CIC: variants seen among roughly 807,000 people sequenced by gnomAD.
CIC encodes the protein protein capicua homolog.
Under a neutral mutation model 115.7 loss-of-function variants are expected in CIC, and 18 were observed. The observed-to-expected ratio is 0.16, with a 90% CI of 0.11 to 0.23. The LOEUF (loss-of-function observed/expected upper bound fraction) is 0.23. Ranked by LOEUF, CIC falls within the 10% of genes least tolerant of loss-of-function variation. The pLI, the probability that CIC is intolerant of heterozygous loss-of-function variation, is 1.00. For synonymous variants in CIC, 1,076 were observed against 923.0 expected, an observed-to-expected ratio of 1.17 and a Z score of -3.01; for missense variants, 2,000 against 2,159.3, an observed-to-expected ratio of 0.93 and a Z score of 1.46.
At position 42,290,850 on chromosome 19, in the gene CIC, T is replaced by C. The variant is rs2038040285; in HGVS notation, c.4809T>C (p.Ser1603=). 1.9e-6 allele frequency: 3 copies of C among 1,611,042 alleles called. No homozygotes were observed. The highest frequency in any genetic ancestry group is 2.5e-6 in the Non-Finnish European group (3 of 1,178,916). Residue 1603 remains serine (S), a synonymous_variant, in exon 11 of 21, where the codon TCT becomes TCC. Transcript: ENST00000681038. ...TCGCCTCTAAGCCCTTCCCCACCTC[T>C]GGCCGGGCTGAGGCGTCTCCAAATG... is the stretch of plus-strand genomic sequence containing the variant. The part of the protein sequence containing the change: ...VPIASKPFPT[S]GRAEASPNDT...
Position 42,289,290 on chromosome 19 carries a change from G to A in CIC, c.3971G>A (p.Arg1324Gln), listed in dbSNP as rs748865223. 1.7e-5 allele frequency: 27 copies of A among 1,613,752 alleles called. No individual in the cohort carries two copies. The highest frequency in any genetic ancestry group is 1.7e-4 in the Admixed American group (10 of 60,000). Residue 1324 changes from arginine (R) to glutamine (Q), a missense_variant, in exon 9 of 21, where the codon CGG (arginine) becomes CAG (glutamine). Arg to Gln is a conservative substitution (Grantham distance 43). Coordinates refer to ENST00000681038, the MANE Select transcript of CIC (RefSeq NM_001386298.1). The stretch of plus-strand genomic sequence containing the variant: ...GGAGGTGCCTTGGCGGCCACTGGGC[G>A]GCCCCCGCTGCTGCCCACCCGAGCT... ...GEGGALAATG[R>Q]PPLLPTRASR...
At chr19:42,281,241 C>T (rs116322871) in intron 2 of CIC, among the ~76,000 whole-genome samples, 26 of 152,248 alleles carry the variant, frequency 1.7e-4, no homozygotes, top group Admixed American at 7.8e-4. Flanking sequence ...TGGGGAGCCG[C>T]AGGCGGCCGG....
In CIC at chr19:42,289,028, A is replaced by G; in HGVS notation, c.3799A>G (p.Ser1267Gly). ...GSARPRAFSH[S>G]GVHSLDGGEV... Reference sequence around the variant, plus strand: ...AGCCCGGCCCCGAGCTTTCTCCCACAGCGGGGTACACAGCCTGGACGGCGG... The same window carrying G: ...AGCCCGGCCCCGAGCTTTCTCCCACGGCGGGGTACACAGCCTGGACGGCGG... Residue 1267 changes from serine (S) to glycine (G), a missense_variant, in exon 8 of 21, where the codon AGC (serine) becomes GGC (glycine). By Grantham distance (56) the Ser-to-Gly change is moderately conservative. Transcript: ENST00000681038. 1 of 1,613,798 alleles carries G rather than the reference A, an allele frequency of 6.2e-7. No individual in the cohort carries two copies. Among genetic ancestry groups the G allele is most frequent in the South Asian group, 1.1e-5 (1 of 91,088 alleles).
chr19:42,281,425 C>T (rs2037244271), intron 2 of CIC, among the ~76,000 whole-genome samples: 1 of 152,210 alleles, frequency 6.6e-6, no homozygotes, highest in Admixed American at 6.5e-5. Flanking sequence ...GGTTCCCTGT[C>T]CCCAGGCCTG....
At chr19:42,289,984 C>A in intron 10 of CIC, 33 bp downstream of exon 10, 1 of 1,531,586 alleles carries the variant, frequency 6.5e-7, no homozygotes, top group African/African-American at 1.4e-5. Flanking sequence ...TGTCCCATCA[C>A]ACTCCCTCCT....
chr19:42,268,801 C>T (rs1194901261), upstream of CIC, among the ~76,000 whole-genome samples: 2 of 152,260 alleles, frequency 1.3e-5, no homozygotes, highest in Non-Finnish European at 2.9e-5. Flanking sequence ...ACTAGCCGGT[C>T]AACAAACGTT....
At chr19:42,289,778 C>A in intron 9 of CIC, 70 bp from the exon 10 acceptor site, 1 of 1,303,742 alleles carries the variant, frequency 7.7e-7, no homozygotes, top group Non-Finnish European at 1.1e-6. Flanking sequence ...GAGATCCAGG[C>A]TCCAGACTGT....
chr19:42,286,693 T>C, intron 2 of CIC, 78 bp from the exon 3 acceptor site: 2 of 1,594,694 alleles, frequency 1.3e-6, no homozygotes, highest in South Asian at 2.2e-5. Flanking sequence ...GGCTACCTCA[T>C]CTAGGGTGGG....
rs990375436 is a variant in CIC, at chr19:42,287,145, T to G, written c.3084T>G (p.Ser1028=). The G allele has an allele frequency of 6.2e-7, 1 of 1,613,366 alleles. No homozygotes were observed. The highest frequency in any genetic ancestry group is 1.3e-5 in the African/African-American group (1 of 74,864). Residue 1028 remains serine, a synonymous_variant, in exon 4 of 21, where the codon TCT becomes TCG. Transcript: ENST00000681038. The surrounding 1 kb of genome is among the most constrained non-coding windows in gnomAD (Gnocchi z 8.7). Reference sequence around the variant, plus strand: ...CACACCCTTTGGGGGTGGTGGAATCTGGTAAGGGTCCGCCTCCCACCACGG... The same window carrying G: ...CACACCCTTTGGGGGTGGTGGAATCGGGTAAGGGTCCGCCTCCCACCACGG... ...GPPHPLGVVE[S]GKGPPPTTEE...
Position 42,295,719 on chromosome 19 carries a change from C to T in CIC, c.*528C>T. ...CCTGCCCTTGCCCCCTTCCCCAGAA[C>T]AAAACATGTTGATCATGTGCAATAT... On this transcript the variant is annotated 3_prime_UTR_variant, in exon 21 of 21. Transcript: ENST00000681038. 1 of 228,060 alleles carries T rather than the reference C, an allele frequency of 4.4e-6. No individual in the cohort carries two copies. The highest frequency in any genetic ancestry group is 2.2e-5 in the African/African-American group (1 of 45,020). 14.1% of individuals were successfully genotyped at this position (228,060 alleles called of 1,614,324 possible). A position where few individuals can be genotyped will look rare whatever the true frequency, so the allele number is the denominator to read the frequency against.
In CIC at chr19:42,274,283, G is replaced by C. The variant is rs971671303; in HGVS notation, c.2500G>C (p.Val834Leu). 2.5e-6 allele frequency: 1 copy of C among 398,814 alleles called. No homozygotes were observed. The highest frequency in any genetic ancestry group is 4.4e-6 in the Non-Finnish European group (1 of 226,206). The allele number at this position is 398,814 out of a possible 1,614,324, so 24.7% of individuals were successfully genotyped here. Residue 834 changes from valine to leucine, a missense_variant, in exon 2 of 21, where the codon GTG (valine) becomes CTG (leucine). Val to Leu is a conservative substitution (Grantham distance 32, BLOSUM62 1). This residue lies in a region of CIC where 222 missense variants were observed against 247.7 expected (regional missense o/e 0.90). Transcript: ENST00000681038. ...FPGEVGTAGE[V>L]RAGGPGRGCR... ...TGGGGAGGTGGGCACTGCTGGTGAG[G>C]TGCGGGCTGGGGGACCTGGGCGGGG... is the stretch of plus-strand genomic sequence containing the variant.
rs895670108 is a variant in CIC at position 42,288,967 on chromosome 19, G to T, written c.3738G>T (p.Gly1246=). ...DTKAPGSSSC[G]AERLHTVGGP... is the part of the protein sequence containing the mutation. ...AGGCTCCGGGGAGCAGCTCCTGTGG[G>T]GCAGAACGGCTACACACAGTTGGGG... is the stretch of plus-strand genomic sequence containing the variant. The change falls in exon 8 of 21, where the codon GGG becomes GGT. Residue 1246 remains glycine, a synonymous_variant. Coordinates refer to ENST00000681038, the MANE Select transcript of CIC (RefSeq NM_001386298.1). 6.2e-7 allele frequency: 1 copy of T among 1,613,938 alleles called. No homozygotes were observed. The highest frequency in any genetic ancestry group is 8.5e-7 in the Non-Finnish European group (1 of 1,180,048).
Position 42,280,380 on chromosome 19 carries a change from C to T in CIC, c.2794+5803C>T, listed in dbSNP as rs954914727. ...GCTCCGGGGGCTGTGTAGAAGCGGA[C>T]TGGCACCCAGCGAGGGCCGCGCCCA... On this transcript the variant is annotated intron_variant, in intron 2 of 20. Transcript: ENST00000681038. The surrounding 1 kb of genome is among the most constrained non-coding windows in gnomAD (Gnocchi z 4.9). Among the ~76,000 whole-genome samples, 2 of 152,102 alleles carry T rather than the reference C, an allele frequency of 1.3e-5. No homozygotes were observed. Among genetic ancestry groups the T allele is most frequent in the African/African-American group, 2.4e-5 (1 of 41,438 alleles).
chr19:42,278,983 C>T (rs2037103062), intron 2 of CIC, among the ~76,000 whole-genome samples: 1 of 152,212 alleles, frequency 6.6e-6, no homozygotes, highest in African/African-American at 2.4e-5. Context: ...CTTCAGTGCC[C>T]ACCCACCTGC....
chr19:42,279,075 C>A (rs1439707627), intron 2 of CIC, among the ~76,000 whole-genome samples: 1 of 152,212 alleles, frequency 6.6e-6, no homozygotes, highest in African/African-American at 2.4e-5. Context: ...AAAGGAGTCC[C>A]AGATATAGTG....
Position 42,292,321 on chromosome 19 carries a change from G to A in CIC, c.5757G>A (p.Ala1919=), listed in dbSNP as rs148075505. The change falls in exon 14 of 21, where the codon GCG becomes GCA. Residue 1919 remains alanine (A), a synonymous_variant. Coordinates refer to ENST00000681038, the MANE Select transcript of CIC (RefSeq NM_001386298.1). ...GCAGAATCACCTATGTGCAGTCAGC[G>A]GGCGGGCACGCGCTGCCCCTGGGTA... The part of the protein sequence containing the change: ...SSTRITYVQS[A]GGHALPLGTS... 329 of 1,613,032 alleles carry A rather than the reference G, an allele frequency of 2.0e-4. No individual in the cohort carries two copies. The highest frequency in any genetic ancestry group is 2.5e-4 in the Non-Finnish European group (298 of 1,180,014).
chr19:42,294,372 TAGAGAGTG>T (rs1435115811), intron 19 of CIC, 68 bp downstream of exon 19: 5 of 1,602,486 alleles, frequency 3.1e-6, no homozygotes, highest in South Asian at 1.1e-5. Context: ...GGAAGGCGGT[TAGAGAGTG>T]AGAGAGGTAG....
At chr19:42,285,777 G>T (rs964051659) in intron 2 of CIC, among the ~76,000 whole-genome samples, 1 of 152,190 alleles carries the variant, frequency 6.6e-6, no homozygotes, top group Non-Finnish European at 1.5e-5. Flanking sequence ...TCCTAGGCCC[G>T]CCCCAAAAGT....
chr19:42,295,414 C>A lies in CIC; in HGVS notation c.*223C>A. On this transcript the variant is annotated 3_prime_UTR_variant, in exon 21 of 21. Transcript: ENST00000681038. ...AGGGGCAGTCTCCCTCCTCCAAGCC[C>A]CTGTACATAACCTGGAGCGTGTGAC... 1.8e-6 allele frequency: 1 copy of A among 566,646 alleles called. No individual in the cohort carries two copies. The highest frequency in any genetic ancestry group is 3.0e-5 in the East Asian group (1 of 33,228). The allele number at this position is 566,646 out of a possible 1,614,324, so 35.1% of individuals were successfully genotyped here.
Sources: allele counts gnomAD v4.1 joint callset (sites outside exome capture counted in the v4.1 genomes callset), GRCh38; gene constraint gnomAD v4.1.1; regional missense constraint gnomAD v4.1.1; non-coding constraint Gnocchi (gnomAD v3.1); transcripts MANE v1.5; gene names NCBI Gene and HGNC (gene_info 2026-07-23, HGNC 2026-07-21).